Variants in SGCD observed in about 807,000 individuals in gnomAD.
The protein encoded by SGCD is sarcoglycan delta.
Under a neutral mutation model 36.6 loss-of-function variants are expected in SGCD, and 18 were observed. The observed-to-expected ratio is 0.49, with a 90% CI of 0.34 to 0.73. SGCD has a LOEUF of 0.73. Among genes scored for constraint, SGCD ranks in the 30% least tolerant of loss-of-function variants. The probability of loss-of-function intolerance (pLI) is 0.01; values close to 1 mark genes in which losing one functional copy is unlikely to be tolerated. For synonymous variants in SGCD, 133 were observed against 130.6 expected, an observed-to-expected ratio of 1.02 and a Z score of -0.12; for missense variants, 387 against 346.7, an observed-to-expected ratio of 1.12 and a Z score of -0.92.
At chr5:156,518,723 A>G (rs764294901) in intron 4 of SGCD, among the ~76,000 whole-genome samples, 6 of 152,216 alleles carry the variant, frequency 3.9e-5, no homozygotes, top group African/African-American at 1.2e-4. Flanking sequence ...ACACAACTGC[A>G]TGGAAATTGA....
intron 7 of SGCD, among the ~76,000 whole-genome samples, chr5:156,678,731 G>T (rs1753607871): frequency 6.6e-6 from 1 of 152,144 alleles, no homozygotes; most frequent in African/African-American, 2.4e-5. Context: ...TGTAAACCAA[G>T]CCATAAAAAG....
intron 3 of SGCD, among the ~76,000 whole-genome samples, chr5:156,299,636 T>C (rs918374895): frequency 1.3e-5 from 2 of 152,166 alleles, no homozygotes; most frequent in Non-Finnish European, 2.9e-5. Flanking sequence ...TAGTTTTCGT[T>C]ATAGAGATCT....
intron 7 of SGCD, among the ~76,000 whole-genome samples, chr5:156,732,521 TG>T (rs1756132175): frequency 6.6e-6 from 1 of 152,212 alleles, no homozygotes; most frequent in South Asian, 2.1e-4. Context: ...TGAGGATTTT[TG>T]CATCAATGTT....
At chr5:156,046,714 A>T (rs895395580) in intron 1 of SGCD, among the ~76,000 whole-genome samples, 6 of 152,014 alleles carry the variant, frequency 3.9e-5, no homozygotes, top group African/African-American at 1.2e-4. Flanking sequence ...CCCTACTTCT[A>T]TCTTCTTGGA....
At chr5:156,749,186 T>C (rs1757058760) in intron 7 of SGCD, among the ~76,000 whole-genome samples, 1 of 152,196 alleles carries the variant, frequency 6.6e-6, no homozygotes, top group South Asian at 2.1e-4. Flanking sequence ...ATAAATCTTA[T>C]GTATTTCTAA....
At chr5:156,631,019 C>T (rs563043532) in intron 6 of SGCD, among the ~76,000 whole-genome samples, 1 of 152,106 alleles carries the variant, frequency 6.6e-6, no homozygotes, top group Non-Finnish European at 1.5e-5. Flanking sequence ...CCTGCCCCAG[C>T]CAAGGAAGGG....
chr5:155,944,685 A>T (rs1757401128), intron 1 of SGCD, among the ~76,000 whole-genome samples: 1 of 152,162 alleles, frequency 6.6e-6, no homozygotes. Flanking sequence ...GAAGATATGA[A>T]CCTTACCCTC....
At chr5:156,376,652 A>T (rs1770685471) in intron 3 of SGCD, among the ~76,000 whole-genome samples, 1 of 151,390 alleles carries the variant, frequency 6.6e-6, no homozygotes, top group South Asian at 2.1e-4. Context: ...TGTGCATCAG[A>T]TTTTTTTTTA....
At chr5:156,333,702 C>T (rs972617647) in intron 2 of SGCD, among the ~76,000 whole-genome samples, 2 of 143,018 alleles carry the variant, frequency 1.4e-5, no homozygotes, top group African/African-American at 5.1e-5. Context: ...GGATTAAATA[C>T]ATGTAGAACA....
chr5:156,156,581 G>T (rs551637985), intron 3 of SGCD, among the ~76,000 whole-genome samples: 3 of 151,616 alleles, frequency 2.0e-5, no homozygotes, highest in Middle Eastern at 3.4e-3. Context: ...CCAAGATCGC[G>T]CCACTGCACT....
intron 3 of SGCD, among the ~76,000 whole-genome samples, chr5:156,438,297 G>C (rs1753331807): frequency 6.6e-6 from 1 of 152,070 alleles, no homozygotes; most frequent in Non-Finnish European, 1.5e-5. Flanking sequence ...CCTGCTCTGA[G>C]AGCTGACATT....
intron 4 of SGCD, among the ~76,000 whole-genome samples, chr5:156,522,254 G>C (rs1373834247): frequency 1.3e-5 from 2 of 152,092 alleles, no homozygotes; most frequent in East Asian, 3.9e-4. Context: ...GTGATGAGTT[G>C]ATGGGTGCAG....
At chr5:156,322,721 C>G (rs1485589385), upstream of SGCD, among the ~76,000 whole-genome samples, 1 of 152,112 alleles carries the variant, frequency 6.6e-6, no homozygotes, top group African/African-American at 2.4e-5. Flanking sequence ...CTTCAATCTC[C>G]TAAAGTGGAA....
the SGCD span, chr5:155,845,411 G>A: frequency 1.3e-5 from 2 of 152,046 alleles, no homozygotes; most frequent in Non-Finnish European, 1.5e-5. Flanking sequence ...AAATTATAAG[G>A]CCCACAACTG....
intron 3 of SGCD, among the ~76,000 whole-genome samples, chr5:156,378,164 G>T (rs1302281085): frequency 1.3e-5 from 2 of 152,128 alleles, no homozygotes; most frequent in East Asian, 1.9e-4. Context: ...ATGTTATTCA[G>T]CCTTAAAAAG....
At chr5:156,533,216 C>T (rs1375242970) in intron 4 of SGCD, among the ~76,000 whole-genome samples, 3 of 152,146 alleles carry the variant, frequency 2.0e-5, no homozygotes, top group African/African-American at 7.2e-5. Flanking sequence ...TGTAGTTTCT[C>T]TTCACGTAGT....
intron 1 of SGCD, among the ~76,000 whole-genome samples, chr5:155,901,886 G>A (rs1341569376): frequency 3.3e-5 from 5 of 152,174 alleles, no homozygotes; most frequent in Non-Finnish European, 7.4e-5. Flanking sequence ...ATCAAGAACA[G>A]AAATGACAGA....
chr5:156,403,959 G>A (rs1444339035), intron 3 of SGCD, among the ~76,000 whole-genome samples: 3 of 151,818 alleles, frequency 2.0e-5, no homozygotes, highest in African/African-American at 7.3e-5. Context: ...TCAGCTCCTC[G>A]AATAGCTGGG....
chr5:156,718,982 A>C (rs1018902362), intron 7 of SGCD, among the ~76,000 whole-genome samples: 1 of 152,094 alleles, frequency 6.6e-6, no homozygotes. Context: ...TCTACTGCCT[A>C]ACCCCTCCTT....
Sources: gnomAD v4.1 joint callset for allele counts (sites outside exome capture counted in the v4.1 genomes callset) on GRCh38, gnomAD v4.1.1 for gene constraint, MANE v1.5 for transcripts, NCBI Gene and HGNC (gene_info 2026-07-23, HGNC 2026-07-21) for gene names.